Variants in NCLN observed in about 807,000 individuals in gnomAD.
The protein encoded by NCLN is BOS complex subunit NCLN.
Under a neutral mutation model 69.5 loss-of-function variants are expected in NCLN, and 34 were observed. The observed-to-expected ratio is 0.49, with a 90% CI of 0.37 to 0.65. NCLN has a LOEUF of 0.65. Among genes scored for constraint, NCLN ranks in the 30% least tolerant of loss-of-function variants. The pLI is 0.00. For missense variants in NCLN, 710 were observed against 804.8 expected (o/e 0.88, Z 1.42); for synonymous variants, 393 against 358.3 (o/e 1.10, Z -1.09).
In NCLN at chr19:3,205,366, G is replaced by A. The variant is rs1176282758; in HGVS notation, c.1209-573G>A. On this transcript the variant is annotated intron_variant, in intron 9 of 14. Coordinates refer to ENST00000246117, the MANE Select transcript of NCLN (RefSeq NM_020170.4). The surrounding 1 kb of genome is among the most constrained non-coding windows in gnomAD (Gnocchi z 4.6). Reference sequence around the variant, plus strand: ...CCTTCCCGTTCATCCACTCTGCTCTGCGGTCACTGGGCCCTCAGGAGTGGT... The same window carrying A: ...CCTTCCCGTTCATCCACTCTGCTCTACGGTCACTGGGCCCTCAGGAGTGGT... Among the ~76,000 whole-genome samples, 1 of 152,214 alleles carries A rather than the reference G, an allele frequency of 6.6e-6. No individual in the cohort carries two copies. The highest frequency in any genetic ancestry group is 1.5e-5 in the Non-Finnish European group (1 of 68,036).
intron 1 of NCLN, among the ~76,000 whole-genome samples, chr19:3,190,287 G>A: frequency 6.6e-6 from 1 of 152,174 alleles, no homozygotes; most frequent in Non-Finnish European, 1.5e-5. Flanking sequence ...GCAGGGGTGA[G>A]GCTGCTGGGC....
At chr19:3,204,772 C>G (rs775266037) in intron 9 of NCLN, 21 bp downstream of exon 9, 19 of 1,446,220 alleles carry the variant, frequency 1.3e-5, no homozygotes, top group Middle Eastern at 2.3e-4. Flanking sequence ...CAGCACCTGC[C>G]CGGCCCCTCC....
chr19:3,207,780 T>G lies in NCLN; in HGVS notation c.*92T>G. On this transcript the variant is annotated 3_prime_UTR_variant, in exon 15 of 15. Coordinates refer to ENST00000246117, the MANE Select transcript of NCLN (RefSeq NM_020170.4). Reference sequence around the variant, plus strand: ...GACACTGCCCCGCCGCGGGCGGCCCTGCAGGGACAGGGGCCCTCTCCCTCC... The same window carrying G: ...GACACTGCCCCGCCGCGGGCGGCCCGGCAGGGACAGGGGCCCTCTCCCTCC... 1 of 1,142,714 alleles carries G rather than the reference T, an allele frequency of 8.8e-7. No individual in the cohort carries two copies. The highest frequency in any genetic ancestry group is 1.5e-5 in the African/African-American group (1 of 65,496). The allele number at this position is 1,142,714 out of a possible 1,614,324, so 70.8% of individuals were successfully genotyped here. A position where few individuals can be genotyped will look rare whatever the true frequency, so the allele number is the denominator to read the frequency against.
At chr19:3,204,404 T>C (rs1317627853) in intron 8 of NCLN, among the ~76,000 whole-genome samples, 169 bp from the exon 9 acceptor site, 1 of 152,012 alleles carries the variant, frequency 6.6e-6, no homozygotes, top group Non-Finnish European at 1.5e-5. Flanking sequence ...TACCCACTGC[T>C]CATTGCCCGC....
intron 6 of NCLN, among the ~76,000 whole-genome samples, chr19:3,202,561 A>C (rs1916154551): frequency 6.6e-6 from 1 of 152,184 alleles, no homozygotes; most frequent in African/African-American, 2.4e-5. Context: ...TTGTGTCAGC[A>C]GCTCAGAGAG....
intron 1 of NCLN, among the ~76,000 whole-genome samples, chr19:3,188,126 C>T (rs1049610644): frequency 6.6e-6 from 1 of 152,108 alleles, no homozygotes; most frequent in Admixed American, 6.6e-5. Flanking sequence ...ACTCCTAGAG[C>T]TCGAGATACC....
chr19:3,207,810 C>A lies in NCLN; in HGVS notation c.*122C>A. The A allele has an allele frequency of 3.9e-6, 3 of 773,976 alleles. No individual in the cohort carries two copies. The highest frequency in any genetic ancestry group is 3.3e-5 in the South Asian group (2 of 61,512). The allele number at this position is 773,976 out of a possible 1,614,324, so 47.9% of individuals were successfully genotyped here. ...GGACAGGGGCCCTCTCCCTCCCCGG[C>A]GGTGGTTGGAACACTGAATTACAGA... is the stretch of plus-strand genomic sequence containing the variant. On this transcript the variant is annotated 3_prime_UTR_variant, in exon 15 of 15. Coordinates refer to ENST00000246117, the MANE Select transcript of NCLN (RefSeq NM_020170.4).
chr19:3,201,497 T>C lies in NCLN; in HGVS notation c.697-26T>C, dbSNP rs777579752. ...TGCGGGAGCCGGGCGGGGGTGACTG[T>C]GGCCTTGCCTCTCCCGTCCCTGTAG... On this transcript the variant is annotated intron_variant, in intron 5 of 14. Transcript: ENST00000246117. 6.6e-6 allele frequency: 10 copies of C among 1,523,098 alleles called. 1 individual carries two copies. The South Asian group carries it at 1.2e-4, about 18-fold the overall frequency. The allele number at this position is 1,523,098 out of a possible 1,614,324, so 94.3% of individuals were successfully genotyped here.
At chr19:3,186,415 C>T (rs1915671170) in intron 1 of NCLN, among the ~76,000 whole-genome samples, 1 of 152,122 alleles carries the variant, frequency 6.6e-6, no homozygotes, top group Admixed American at 6.5e-5. Context: ...CCAGGGACCC[C>T]CCGCGCTCGC....
chr19:3,186,206 A>G lies in NCLN; in HGVS notation c.176A>G (p.Gln59Arg). The change falls in exon 1 of 15, where the codon CAG (glutamine) becomes CGG (arginine). Residue 59 changes from glutamine (Q) to arginine (R), a missense_variant. Physicochemically the swap from Gln to Arg is conservative, Grantham distance 43. Transcript: ENST00000246117. ...YRMQQYDLQG[Q>R]PYGTRNAVLN... ...ATGCAGCAGTACGACCTGCAGGGCCAGCCCTACGGTGCGTGTCCCCGGCCC... is the reference window on the plus strand; with the variant it reads ...ATGCAGCAGTACGACCTGCAGGGCCGGCCCTACGGTGCGTGTCCCCGGCCC... 1 of 1,542,142 alleles carries G rather than the reference A, an allele frequency of 6.5e-7. No individual in the cohort carries two copies. Among genetic ancestry groups the G allele is most frequent in the Admixed American group, 1.9e-5 (1 of 52,042 alleles).
intron 8 of NCLN, 63 bp from the exon 9 acceptor site, chr19:3,204,510 G>A: frequency 6.9e-7 from 1 of 1,455,612 alleles, no homozygotes; most frequent in African/African-American, 1.5e-5. Flanking sequence ...GGAGCATTTG[G>A]GGAATGGGCT....
chr19:3,196,353 C>T (rs889643503), intron 4 of NCLN, 76 bp downstream of exon 4: 7 of 1,137,380 alleles, frequency 6.2e-6, no homozygotes, highest in East Asian at 5.4e-5. Flanking sequence ...CCGGCTCGGC[C>T]GTACTAGAGG....
rs1916372316 is a variant in NCLN, at chr19:3,209,425, G to C, written c.*1737G>C. 6.6e-6 allele frequency: 1 copy of C among 152,302 alleles called. No individual in the cohort carries two copies. The highest frequency in any genetic ancestry group is 2.4e-5 in the African/African-American group (1 of 41,474). 9.4% of individuals were successfully genotyped at this position (152,302 alleles called of 1,614,324 possible). On this transcript the variant is annotated 3_prime_UTR_variant, in exon 15 of 15. Coordinates refer to ENST00000246117, the MANE Select transcript of NCLN (RefSeq NM_020170.4). ...TGCTAGCCAGCAGGCTCCTGTCTGGGTGCCACGGGGCCAGCATTTTGGAGG... is the reference window on the plus strand; with the variant it reads ...TGCTAGCCAGCAGGCTCCTGTCTGGCTGCCACGGGGCCAGCATTTTGGAGG...
intron 9 of NCLN, 106 bp downstream of exon 9, chr19:3,204,857 A>T: frequency 8.4e-7 from 1 of 1,192,382 alleles, no homozygotes; most frequent in Non-Finnish European, 1.1e-6. Flanking sequence ...CGGCCCCCAC[A>T]CACAGGCTGC....
chr19:3,206,507 C>A, intron 12 of NCLN, 82 bp downstream of exon 12: 1 of 1,428,926 alleles, frequency 7.0e-7, no homozygotes, highest in Non-Finnish European at 9.3e-7. Context: ...ACCCCCTCAC[C>A]CCTGGGGGAT....
chr19:3,196,285 C>T lies in NCLN; in HGVS notation c.615+8C>T. 1.3e-6 allele frequency: 2 copies of T among 1,533,622 alleles called. No homozygotes were observed. Among genetic ancestry groups the T allele is most frequent in the Admixed American group, 2.0e-5 (1 of 50,250 alleles). ...CTGATTGCCAGCGTGGAGGTGAGTG[C>T]CGCCTGCCCCGGAGCCAGCCCCACG... On this transcript the variant is annotated splice_region_variant and intron_variant, in intron 4 of 14. Transcript: ENST00000246117.
chr19:3,194,523 G>T lies in NCLN; in HGVS notation c.520+1095G>T, dbSNP rs530812211. On this transcript the variant is annotated intron_variant, in intron 3 of 14. Coordinates refer to ENST00000246117, the MANE Select transcript of NCLN (RefSeq NM_020170.4). Reference sequence around the variant, plus strand: ...CCACATTCATTTATGCACAGTCCACGGTGGCTTTCCCAGCAGCAGAACTGA... The same window carrying T: ...CCACATTCATTTATGCACAGTCCACTGTGGCTTTCCCAGCAGCAGAACTGA... Among the ~76,000 whole-genome samples, 18 of 152,322 alleles carry T rather than the reference G, an allele frequency of 1.2e-4. No homozygotes were observed. The South Asian group carries it at 3.7e-3, about 32-fold the overall frequency.
chr19:3,186,025 G>T lies in NCLN; in HGVS notation c.-6G>T, dbSNP rs1415814766. 1.3e-6 allele frequency: 2 copies of T among 1,554,810 alleles called. No individual in the cohort carries two copies. Among genetic ancestry groups the T allele is most frequent in the Middle Eastern group, 2.1e-4 (1 of 4,752 alleles). On this transcript the variant is annotated 5_prime_UTR_variant, in exon 1 of 15. Transcript: ENST00000246117. ...GCCGCCCCGCGCGGCCCCGCCGCCG[G>T]CCAGGATGCTGGAGGAAGCGGGCGA...
intron 1 of NCLN, among the ~76,000 whole-genome samples, chr19:3,189,302 A>T (rs969629604): frequency 3.2e-4 from 49 of 152,242 alleles, no homozygotes; most frequent in Non-Finnish European, 6.5e-4. Flanking sequence ...GGACCCGTCA[A>T]GTCCATCAGA....
Sources: gnomAD v4.1 joint callset for allele counts (sites outside exome capture counted in the v4.1 genomes callset) on GRCh38, gnomAD v4.1.1 for gene constraint, Gnocchi (gnomAD v3.1) non-coding constraint, MANE v1.5 for transcripts, NCBI Gene and HGNC (gene_info 2026-07-23, HGNC 2026-07-21) for gene names.